METTL15: variants seen among roughly 807,000 people sequenced by gnomAD.
The protein encoded by METTL15 is methyltransferase 15, mitochondrial 12S rRNA N4-cytidine.
Under a neutral mutation model 38.3 loss-of-function variants are expected in METTL15, and 34 were observed. The observed-to-expected ratio is 0.89, with a 90% confidence interval of 0.68 to 1.18. The LOEUF (loss-of-function observed/expected upper bound fraction) is 1.18. METTL15 is among the 50% of genes most tolerant of loss of function. METTL15 has a pLI of 0.00. For synonymous variants in METTL15, 162 were observed against 170.9 expected, an observed-to-expected ratio of 0.95 and a Z score of 0.41; for missense variants, 438 against 498.4, an observed-to-expected ratio of 0.88 and a Z score of 1.15.
intron 6 of METTL15, among the ~76,000 whole-genome samples, chr11:28,506,296 G>A (rs1454857456): frequency 2.0e-5 from 3 of 152,144 alleles, no homozygotes; most frequent in African/African-American, 7.2e-5. Context: ...TTCCTGTGAT[G>A]TAACAGAATA....
At chr11:28,154,679 T>C (rs1056037077) in intron 3 of METTL15, among the ~76,000 whole-genome samples, 2 of 152,124 alleles carry the variant, frequency 1.3e-5, no homozygotes, top group Non-Finnish European at 2.9e-5. Context: ...ACCTATAAAA[T>C]AGAATAATAA....
intron 4 of METTL15, among the ~76,000 whole-genome samples, chr11:28,234,955 T>C (rs1435948934): frequency 6.6e-6 from 1 of 151,182 alleles, no homozygotes; most frequent in Non-Finnish European, 1.5e-5. Flanking sequence ...CGTTTAAATC[T>C]TTAATCCATC....
intron 6 of METTL15, among the ~76,000 whole-genome samples, chr11:28,500,355 T>G (rs1217056025): frequency 6.6e-6 from 1 of 152,168 alleles, no homozygotes; most frequent in Non-Finnish European, 1.5e-5. Flanking sequence ...TGAATGAAAA[T>G]CTCACTTTGT....
intron 3 of METTL15, among the ~76,000 whole-genome samples, chr11:28,142,238 G>GGCCC (rs1849724132): frequency 6.6e-6 from 1 of 152,098 alleles, no homozygotes; most frequent in African/African-American, 2.4e-5. Context: ...GAGGAGATTG[G>GGCCC]TTTTATAGAT....
intron 6 of METTL15, among the ~76,000 whole-genome samples, chr11:28,305,237 C>A (rs1857042443): frequency 6.6e-6 from 1 of 152,088 alleles, no homozygotes. Context: ...ACCTGAGTAA[C>A]TTTTCCTAAA....
chr11:28,139,919 A>T (rs1184130534), intron 3 of METTL15, among the ~76,000 whole-genome samples: 1 of 151,840 alleles, frequency 6.6e-6, no homozygotes, highest in African/African-American at 2.4e-5. Flanking sequence ...AGAAACTCTT[A>T]ATCATTGTTC....
chr11:28,227,288 T>C (rs1272792448), intron 4 of METTL15, among the ~76,000 whole-genome samples: 1 of 151,884 alleles, frequency 6.6e-6, no homozygotes, highest in Non-Finnish European at 1.5e-5. Context: ...AAGCAGAAAT[T>C]AGACAGAAAA....
rs534509541 is a variant in METTL15, at chr11:28,512,390, G to A, written c.*425-14088G>A. Among the ~76,000 whole-genome samples, 303 of 152,322 alleles carry A rather than the reference G, an allele frequency of 2.0e-3. 1 individual carries two copies. The highest frequency in any genetic ancestry group is 3.2e-3 in the Non-Finnish European group (219 of 68,024). ...TGGGCACCGTGGAGCAGGGAGCAGC[G>A]CTCATCAGGGAGGCTTGGGCTGCAC... On this transcript the variant is annotated intron_variant and NMD_transcript_variant, in intron 6 of 7. Transcript: ENST00000532947.
chr11:28,310,955 G>GT (rs1641424424), intron 6 of METTL15, among the ~76,000 whole-genome samples: 1 of 137,292 alleles, frequency 7.3e-6, no homozygotes, highest in African/African-American at 2.9e-5. Flanking sequence ...TGGTGGTGGT[G>GT]GTGGTGGTGG....
At chr11:28,449,394 T>C (rs1851100910) in intron 6 of METTL15, among the ~76,000 whole-genome samples, 1 of 152,188 alleles carries the variant, frequency 6.6e-6, no homozygotes, top group South Asian at 2.1e-4. Context: ...AATTCAGATA[T>C]GCATTCAAGC....
chr11:28,177,706 G>A (rs934468306), intron 3 of METTL15, among the ~76,000 whole-genome samples: 3 of 151,850 alleles, frequency 2.0e-5, no homozygotes, highest in South Asian at 2.1e-4. Context: ...TTCTTTTGGC[G>A]TTGGTTTCCT....
At chr11:28,232,802 A>T (rs999406518) in intron 4 of METTL15, among the ~76,000 whole-genome samples, 1 of 151,954 alleles carries the variant, frequency 6.6e-6, no homozygotes, top group Non-Finnish European at 1.5e-5. Flanking sequence ...ACAGAATTTT[A>T]TCTTTTTCTC....
At chr11:28,229,319 A>G (rs1476202349) in intron 4 of METTL15, among the ~76,000 whole-genome samples, 1 of 151,852 alleles carries the variant, frequency 6.6e-6, no homozygotes, top group African/African-American at 2.4e-5. Context: ...CACAGATAGA[A>G]CTGTTTAAGA....
chr11:28,170,898 C>T (rs1037576609), intron 3 of METTL15, among the ~76,000 whole-genome samples: 4 of 152,140 alleles, frequency 2.6e-5, no homozygotes, highest in Non-Finnish European at 5.9e-5. Context: ...ACTTACAATG[C>T]CTAACCTCCT....
At position 28,478,049 on chromosome 11, in the gene METTL15, G is replaced by A. The variant is rs538364775; in HGVS notation, c.*425-48429G>A. On this transcript the variant is annotated intron_variant and NMD_transcript_variant, in intron 6 of 7. Coordinates refer to the METTL15 transcript ENST00000532947. ...TGTTTTATCCTTTATCTATCTATTA[G>A]CATGGCCAAACTCTCTTATACCCCA... Among the ~76,000 whole-genome samples the A allele has an allele frequency of 3.3e-5, 5 of 152,100 alleles. No homozygotes were observed. The East Asian group carries it at 9.7e-4, about 29-fold the overall frequency.
At chr11:28,225,583 T>G (rs886457590) in intron 4 of METTL15, among the ~76,000 whole-genome samples, 1 of 151,736 alleles carries the variant, frequency 6.6e-6, no homozygotes, top group Non-Finnish European at 1.5e-5. Flanking sequence ...GGAAATCTAT[T>G]TCTCACTTGT....
At chr11:28,487,431 C>T (rs1851447817) in intron 6 of METTL15, among the ~76,000 whole-genome samples, 1 of 151,950 alleles carries the variant, frequency 6.6e-6, no homozygotes, top group Admixed American at 6.6e-5. Context: ...AATTAAAAAA[C>T]AGGTTACAAG....
intron 5 of METTL15, among the ~76,000 whole-genome samples, chr11:28,418,225 C>T (rs901459641): frequency 7.9e-5 from 12 of 152,272 alleles, no homozygotes; most frequent in African/African-American, 2.4e-4. Context: ...CAGACAATCA[C>T]GCTCGTTAAA....
At chr11:28,376,341 G>T (rs567772524) in intron 5 of METTL15, among the ~76,000 whole-genome samples, 2 of 151,856 alleles carry the variant, frequency 1.3e-5, no homozygotes, top group African/African-American at 4.8e-5. Context: ...TTATGAATCT[G>T]GGTGCTCCTG....
Sources: gnomAD v4.1 joint callset for allele counts (sites outside exome capture counted in the v4.1 genomes callset) on GRCh38, gnomAD v4.1.1 for gene constraint, MANE v1.5 for transcripts, NCBI Gene and HGNC (gene_info 2026-07-23, HGNC 2026-07-21) for gene names.